CACNA1C: variants seen among roughly 807,000 people sequenced by gnomAD.
The protein encoded by CACNA1C is calcium voltage-gated channel subunit alpha1 C.
In CACNA1C, 30 loss-of-function variants were observed where a neutral mutation model predicts 229.0. The observed-to-expected ratio is 0.13, with a 90% CI of 0.10 to 0.18. The LOEUF is 0.18. CACNA1C is among the 10% of genes least tolerant of loss of function. The probability of loss-of-function intolerance (pLI) is 1.00; values close to 1 mark genes in which losing one functional copy is unlikely to be tolerated. For synonymous variants in CACNA1C, 1,114 were observed against 1,132.5 expected (o/e 0.98, Z 0.33); for missense variants, 1,658 against 2,845.0 (o/e 0.58, Z 9.49).
chr12:2,412,168 C>G (rs2098815343), intron 3 of CACNA1C, among the ~76,000 whole-genome samples: 1 of 152,156 alleles, frequency 6.6e-6, no homozygotes, highest in Non-Finnish European at 1.5e-5. Flanking sequence ...GGGTCCCTTC[C>G]TTCCCTCACC....
At chr12:2,146,550 GA>G (rs1220752414) in intron 3 of CACNA1C, among the ~76,000 whole-genome samples, 1 of 151,194 alleles carries the variant, frequency 6.6e-6, no homozygotes, top group African/African-American at 2.4e-5. Context: ...CCCCGGGCCT[GA>G]GGTCTTTGGG....
At chr12:1,997,038 A>T (rs552805423) in intron 1 of CACNA1C, among the ~76,000 whole-genome samples, 7 of 152,318 alleles carry the variant, frequency 4.6e-5, no homozygotes, top group Middle Eastern at 6.8e-3. Flanking sequence ...TGAAAAGTTT[A>T]TTTATTGAGC....
rs985100919 is a variant in CACNA1C at position 2,348,947 on chromosome 12, T to C, written c.478-100029T>C. The stretch of plus-strand genomic sequence containing the variant: ...CTCTTAGAGGCAGGCATCGACTGGC[T>C]AACTGGTATGATACTTTGGAGTTCA... On this transcript the variant is annotated intron_variant, in intron 3 of 46. Coordinates refer to ENST00000399655, the MANE Select transcript of CACNA1C (RefSeq NM_000719.7). This position sits in a 1 kb window ranked among gnomAD's most constrained non-coding sequence, Gnocchi z 4.7. Among the ~76,000 whole-genome samples the C allele has an allele frequency of 8.5e-5, 13 of 152,168 alleles. No individual in the cohort carries two copies. Among genetic ancestry groups the C allele is most frequent in the African/African-American group, 2.9e-4 (12 of 41,424 alleles).
chr12:2,256,211 A>C (rs1245639846), intron 3 of CACNA1C, among the ~76,000 whole-genome samples: 1 of 152,150 alleles, frequency 6.6e-6, no homozygotes, highest in Non-Finnish European at 1.5e-5. Flanking sequence ...GGCTAAGCCC[A>C]GGAATCTACA....
chr12:2,163,155 A>G (rs4765900), intron 3 of CACNA1C, among the ~76,000 whole-genome samples: 143,712 of 149,580 alleles, frequency 0.96, 69,097 homozygotes, highest in East Asian at 1. Context: ...CCGAGCCGAG[A>G]TCACGCCATT....
intron 3 of CACNA1C, among the ~76,000 whole-genome samples, chr12:2,415,472 T>C (rs1311524477): frequency 2.0e-5 from 3 of 152,206 alleles, no homozygotes; most frequent in Non-Finnish European, 2.9e-5. Flanking sequence ...TCAGCTTTTC[T>C]TCCAAGTGGA....
intron 3 of CACNA1C, among the ~76,000 whole-genome samples, chr12:2,318,110 A>G (rs749567636): frequency 1.2e-4 from 18 of 151,828 alleles, no homozygotes; most frequent in Non-Finnish European, 2.6e-4. Flanking sequence ...TGACCGGCCC[A>G]GGGTTTGGAA....
intron 1 of CACNA1C, among the ~76,000 whole-genome samples, chr12:2,074,270 G>C (rs1181764082): frequency 6.6e-6 from 1 of 152,180 alleles, no homozygotes; most frequent in Non-Finnish European, 1.5e-5. Context: ...TAATTTGAGA[G>C]CTTCTAATTT....
At chr12:2,481,958 C>T (rs751782787) in intron 5 of CACNA1C, among the ~76,000 whole-genome samples, 1 of 152,246 alleles carries the variant, frequency 6.6e-6, no homozygotes, top group Non-Finnish European at 1.5e-5. Flanking sequence ...GTGAGCATGG[C>T]CTATCTGAGA....
rs1238230400 is a variant in CACNA1C at position 2,679,830 on chromosome 12, C to T, written c.5444+34C>T. On this transcript the variant is annotated intron_variant, in intron 42 of 46. Coordinates refer to ENST00000399655, the MANE Select transcript of CACNA1C (RefSeq NM_000719.7). The surrounding 1 kb of genome is among the most constrained non-coding windows in gnomAD (Gnocchi z 5.5). The stretch of plus-strand genomic sequence containing the variant: ...GAGGCTGGCCACCCCAGGCGGCACA[C>T]AGGGCCCACGTGCTGCAACCCTCAG... 14 of 1,439,958 alleles carry T rather than the reference C, an allele frequency of 9.7e-6. No homozygotes were observed. The Admixed American group carries it at 2.3e-4, about 23-fold the overall frequency. 89.2% of individuals were successfully genotyped at this position (1,439,958 alleles called of 1,614,324 possible).
chr12:2,287,272 T>C lies in CACNA1C; in HGVS notation c.478-161704T>C, dbSNP rs537252645. 1.3e-5 allele frequency among the ~76,000 whole-genome samples: 2 copies of C among 152,150 alleles called. No homozygotes were observed. Among genetic ancestry groups the C allele is most frequent in the African/African-American group, 2.4e-5 (1 of 41,432 alleles). On this transcript the variant is annotated intron_variant, in intron 3 of 46. Transcript: ENST00000399655. This position sits in a 1 kb window ranked among gnomAD's most constrained non-coding sequence, Gnocchi z 4.6. ...TTCCCAAGGGGAGGGATCGGGCAAG[T>C]ATTGAGTCATTCCTGCTCGTCTGGA...
At chr12:2,238,888 A>G (rs899423876) in intron 3 of CACNA1C, among the ~76,000 whole-genome samples, 1 of 152,138 alleles carries the variant, frequency 6.6e-6, no homozygotes, top group East Asian at 1.9e-4. Context: ...AGGGATTTTC[A>G]TTTTGACTGG....
At chr12:2,590,672 G>A (rs889840381) in intron 18 of CACNA1C, among the ~76,000 whole-genome samples, 3 of 152,192 alleles carry the variant, frequency 2.0e-5, no homozygotes, top group Non-Finnish European at 4.4e-5. Context: ...TCAGCATGGA[G>A]CTTCATAAAC....
At chr12:2,056,752 C>CTA (rs2055094985) in intron 1 of CACNA1C, among the ~76,000 whole-genome samples, 1 of 152,054 alleles carries the variant, frequency 6.6e-6, no homozygotes, top group South Asian at 2.1e-4. Flanking sequence ...AGGAAAGGGG[C>CTA]TATTGGAGTT....
intron 5 of CACNA1C, among the ~76,000 whole-genome samples, chr12:2,474,042 G>GA (rs76164705): frequency 0.99 from 150,370 of 152,106 alleles, 74,330 homozygotes; most frequent in East Asian, 1. Context: ...GTATTTGCCA[G>GA]AAAAAAAATC....
At chr12:2,011,635 A>T (rs1413090969) in intron 1 of CACNA1C, among the ~76,000 whole-genome samples, 1 of 152,250 alleles carries the variant, frequency 6.6e-6, no homozygotes, top group African/African-American at 2.4e-5. Flanking sequence ...AAACATGTAG[A>T]AAAGCCCAGA....
chr12:2,662,978 A>G (rs558492205), intron 34 of CACNA1C, among the ~76,000 whole-genome samples: 1 of 152,370 alleles, frequency 6.6e-6, no homozygotes, highest in African/African-American at 2.4e-5. Context: ...CAAACATGAA[A>G]ATAAATTTCA....
intron 3 of CACNA1C, among the ~76,000 whole-genome samples, chr12:2,267,380 C>A (rs2082794274): frequency 6.6e-6 from 1 of 152,142 alleles, no homozygotes; most frequent in African/African-American, 2.4e-5. Flanking sequence ...CCCTAGATCA[C>A]TCAACTAGGA....
chr12:2,234,670 G>A (rs917571973), intron 3 of CACNA1C, among the ~76,000 whole-genome samples: 11 of 152,102 alleles, frequency 7.2e-5, no homozygotes, highest in Non-Finnish European at 1.3e-4. Context: ...GTGTGTGTGT[G>A]TGTATTTTAA....
Sources: gnomAD v4.1 joint callset for allele counts (sites outside exome capture counted in the v4.1 genomes callset) on GRCh38, gnomAD v4.1.1 for gene constraint, Gnocchi (gnomAD v3.1) non-coding constraint, MANE v1.5 for transcripts, NCBI Gene and HGNC (gene_info 2026-07-23, HGNC 2026-07-21) for gene names.